The following PHF20 variants were observed in gnomAD, a reference collection of about 807,000 sequenced individuals.
PHF20 encodes the protein PHD finger protein 20.
A neutral mutation model predicts 113.5 loss-of-function variants in PHF20; 23 were observed. The observed-to-expected ratio is 0.20, with a 90% CI of 0.15 to 0.29. The LOEUF (loss-of-function observed/expected upper bound fraction) is 0.29, where lower values mean the gene tolerates loss of function less well. PHF20 is among the 10% of genes least tolerant of loss of function. The probability of loss-of-function intolerance (pLI) is 1.00; values close to 1 mark genes in which losing one functional copy is unlikely to be tolerated. For synonymous variants in PHF20, 434 were observed against 457.3 expected, an observed-to-expected ratio of 0.95 and a Z score of 0.65; for missense variants, 943 against 1,219.6, an observed-to-expected ratio of 0.77 and a Z score of 3.38.
intron 7 of PHF20, among the ~76,000 whole-genome samples, 161 bp downstream of exon 7, chr20:35,869,712 C>T (rs1235177571): frequency 6.6e-6 from 1 of 152,058 alleles, no homozygotes; most frequent in Non-Finnish European, 1.5e-5. Flanking sequence ...GGAGTTTTTG[C>T]TAGAAGAAAA....
chr20:35,906,752 C>T (rs1231163831), intron 10 of PHF20, among the ~76,000 whole-genome samples: 1 of 152,196 alleles, frequency 6.6e-6, no homozygotes, highest in Non-Finnish European at 1.5e-5. Flanking sequence ...CATCTGCCAC[C>T]CCTCTCTCAA....
chr20:35,786,667 A>G (rs2041423702), intron 1 of PHF20, among the ~76,000 whole-genome samples: 1 of 152,128 alleles, frequency 6.6e-6, no homozygotes, highest in South Asian at 2.1e-4. Flanking sequence ...GAGCCACTGC[A>G]CTCTAGCTTG....
chr20:35,859,706 G>A (rs994070077), intron 5 of PHF20, among the ~76,000 whole-genome samples: 2 of 151,902 alleles, frequency 1.3e-5, no homozygotes, highest in African/African-American at 4.8e-5. Context: ...CACCACGCCC[G>A]GCTCATTTTT....
intron 9 of PHF20, among the ~76,000 whole-genome samples, chr20:35,886,634 T>C (rs1185727496): frequency 6.6e-6 from 1 of 152,226 alleles, no homozygotes; most frequent in African/African-American, 2.4e-5. Flanking sequence ...AGTGGCTCTT[T>C]TCCCCTGGCT....
At chr20:35,862,769 T>C (rs1047018833) in intron 5 of PHF20, among the ~76,000 whole-genome samples, 3 of 152,148 alleles carry the variant, frequency 2.0e-5, no homozygotes, top group Non-Finnish European at 4.4e-5. Flanking sequence ...AATTTTATTT[T>C]CTAGTGACTT....
At chr20:35,848,806 A>C (rs983059715) in intron 4 of PHF20, among the ~76,000 whole-genome samples, 3 of 150,194 alleles carry the variant, frequency 2.0e-5, no homozygotes, top group Non-Finnish European at 4.4e-5. Flanking sequence ...ACAGCAAGCT[A>C]TGATAGTGTC....
At chr20:35,916,433 C>T (rs2055404623) in intron 12 of PHF20, among the ~76,000 whole-genome samples, 1 of 152,184 alleles carries the variant, frequency 6.6e-6, no homozygotes, top group Non-Finnish European at 1.5e-5. Flanking sequence ...TGGAATCTTC[C>T]TCTTCCTCAT....
intron 4 of PHF20, among the ~76,000 whole-genome samples, chr20:35,848,778 G>C (rs1439098071): frequency 6.6e-6 from 1 of 150,898 alleles, no homozygotes; most frequent in Non-Finnish European, 1.5e-5. Context: ...GATCCCTTGA[G>C]CCCAGGAGTT....
intron 15 of PHF20, among the ~76,000 whole-genome samples, chr20:35,936,662 C>T (rs992567200): frequency 1.3e-5 from 2 of 152,178 alleles, no homozygotes; most frequent in African/African-American, 4.8e-5. Context: ...ATGACCTATA[C>T]ATAAAGGACA....
intron 2 of PHF20, among the ~76,000 whole-genome samples, chr20:35,832,640 G>A (rs897457780): frequency 1.3e-5 from 2 of 152,100 alleles, no homozygotes; most frequent in Admixed American, 6.6e-5. Flanking sequence ...TTCAGGTAAC[G>A]GGAGCATACT....
At position 35,921,965 on chromosome 20, in the gene PHF20, A is replaced by T. The variant is rs11907402; in HGVS notation, c.2004+4303A>T. Among the ~76,000 whole-genome samples the T allele has an allele frequency of 5.3e-3, 812 of 152,238 alleles. 9 individuals carry two copies. The highest frequency in any genetic ancestry group is 0.019 in the African/African-American group (779 of 41,518). ...TAACCCATTTCTGATCCACTCTGGT[A>T]CTTTCTCTATTGACTTTTCTATAAG... On this transcript the variant is annotated intron_variant, in intron 13 of 17. Transcript: ENST00000374012.
At chr20:35,885,467 CTTTTTTTTTTT>C (rs577878410) in intron 9 of PHF20, among the ~76,000 whole-genome samples, 187 of 35,736 alleles carry the variant, frequency 5.2e-3, no homozygotes, top group Non-Finnish European at 8.4e-3. Context: ...GGGGAATAAG[CTTTTTTTTTTT>C]TTTTTTTTTT....
chr20:35,928,668 A>C (rs1172268108), intron 14 of PHF20: 1 of 152,176 alleles, frequency 6.6e-6, no homozygotes, highest in Non-Finnish European at 1.5e-5. Context: ...GTGCTGCCGA[A>C]GTGGCACCTT....
intron 14 of PHF20, chr20:35,928,822 T>A (rs2055696007): frequency 6.6e-6 from 1 of 152,262 alleles, no homozygotes; most frequent in East Asian, 1.9e-4. Flanking sequence ...AAGGGAGAAA[T>A]GCCCTTGAGG....
At chr20:35,836,737 G>A (rs899673305) in intron 2 of PHF20, among the ~76,000 whole-genome samples, 10 of 151,388 alleles carry the variant, frequency 6.6e-5, no homozygotes, top group Non-Finnish European at 1.3e-4. Context: ...CCAGCTACTC[G>A]GGAGGCTGAG....
chr20:35,862,963 G>A (rs1204939758), intron 5 of PHF20, 50 bp from the exon 6 acceptor site: 1 of 1,500,108 alleles, frequency 6.7e-7, no homozygotes, highest in Middle Eastern at 2.5e-4. Context: ...TCCTAATTTT[G>A]TATTTGCAAG....
chr20:35,920,620 G>T (rs2055493583), intron 13 of PHF20, among the ~76,000 whole-genome samples: 1 of 152,172 alleles, frequency 6.6e-6, no homozygotes, highest in Non-Finnish European at 1.5e-5. Flanking sequence ...CTTAGCTACG[G>T]GGATTTACAT....
chr20:35,879,864 G>C (rs531179061), intron 9 of PHF20, among the ~76,000 whole-genome samples: 4 of 151,712 alleles, frequency 2.6e-5, no homozygotes, highest in African/African-American at 7.3e-5. Context: ...TGGCATGTGC[G>C]TGTAATCCCA....
At chr20:35,848,651 G>A (rs2042665583) in intron 4 of PHF20, among the ~76,000 whole-genome samples, 2 of 151,868 alleles carry the variant, frequency 1.3e-5, no homozygotes, top group Admixed American at 1.3e-4. Flanking sequence ...TTGAGGCCAG[G>A]AATTTGAGAC....
Sources: allele counts gnomAD v4.1 joint callset (sites outside exome capture counted in the v4.1 genomes callset), GRCh38; gene constraint gnomAD v4.1.1; transcripts MANE v1.5; gene names NCBI Gene and HGNC (gene_info 2026-07-23, HGNC 2026-07-21).